The following AKT3 variants were observed in gnomAD, a reference collection of about 807,000 sequenced individuals.
AKT3 encodes the protein RAC-gamma serine/threonine-protein kinase.
AKT3 carries 15 observed loss-of-function variants against 65.3 expected under a neutral mutation model. The observed-to-expected ratio is 0.23, with a 90% confidence interval of 0.15 to 0.35. The LOEUF (loss-of-function observed/expected upper bound fraction) is 0.35, where lower values mean the gene tolerates loss of function less well. AKT3 is among the 10% of genes least tolerant of loss of function. The pLI, the probability that AKT3 is intolerant of heterozygous loss-of-function variation, is 1.00. For synonymous variants in AKT3, 206 were observed against 183.8 expected, an observed-to-expected ratio of 1.12 and a Z score of -0.98; for missense variants, 243 against 576.5, an observed-to-expected ratio of 0.42 and a Z score of 5.92.
At chr1:243,581,095 G>A (rs1244850312) in intron 8 of AKT3, among the ~76,000 whole-genome samples, 2 of 152,194 alleles carry the variant, frequency 1.3e-5, no homozygotes, top group Admixed American at 1.3e-4. Context: ...ACTTGGGGCT[G>A]AGGAGGTTTC....
chr1:243,713,429 A>C (rs1383522906), intron 2 of AKT3, among the ~76,000 whole-genome samples: 1 of 152,216 alleles, frequency 6.6e-6, no homozygotes, highest in Non-Finnish European at 1.5e-5. Context: ...TTGGTTAACC[A>C]AATCCACACA....
chr1:243,728,939 A>G (rs1427522359), intron 2 of AKT3, among the ~76,000 whole-genome samples: 3 of 152,206 alleles, frequency 2.0e-5, no homozygotes. Context: ...TCAAGAACTG[A>G]TACAAGATCA....
chr1:243,616,880 T>C (rs114061320), intron 6 of AKT3, among the ~76,000 whole-genome samples: 2,509 of 152,282 alleles, frequency 0.016, 61 homozygotes, highest in African/African-American at 0.058. Context: ...ATTTGTTTTA[T>C]AGGAGTCAGT....
chr1:243,632,741 T>A (rs1679698095), intron 6 of AKT3, among the ~76,000 whole-genome samples: 1 of 152,236 alleles, frequency 6.6e-6, no homozygotes, highest in African/African-American at 2.4e-5. Context: ...GATATCTGGA[T>A]AACTTGCTGC....
chr1:243,602,547 T>G (rs1329741152), intron 8 of AKT3, among the ~76,000 whole-genome samples: 1 of 152,154 alleles, frequency 6.6e-6, no homozygotes, highest in Admixed American at 6.5e-5. Flanking sequence ...AGAACTAGAA[T>G]ACTGACTACT....
chr1:243,667,523 CAT>C (rs1313376966), intron 3 of AKT3, among the ~76,000 whole-genome samples: 2 of 152,140 alleles, frequency 1.3e-5, no homozygotes, highest in Non-Finnish European at 2.9e-5. Flanking sequence ...ACTTTAAAAA[CAT>C]AACCAGCTTC....
Position 243,695,694 on chromosome 1 carries a change from C to T in AKT3, c.69G>A (p.Arg23=), listed in dbSNP as rs762886772. The part of the protein sequence containing the change: ...QKRGEYIKNW[R]PRYFLLKTDG... ...CTGTCTTCAAAAGGAAGTATCTTGG[C>T]CTCCAGTTTTTTATATATTCTCCTA... Residue 23 remains arginine (R), a synonymous_variant, in exon 3 of 14, where the codon AGG becomes AGA. Transcript: ENST00000673466. The T allele has an allele frequency of 6.2e-7, 1 of 1,601,466 alleles. No homozygotes were observed. Among genetic ancestry groups the T allele is most frequent in the Non-Finnish European group, 8.5e-7 (1 of 1,174,410 alleles).
chr1:243,727,750 T>C (rs1049848290), intron 2 of AKT3, among the ~76,000 whole-genome samples: 3 of 152,076 alleles, frequency 2.0e-5, no homozygotes, highest in Admixed American at 6.6e-5. Flanking sequence ...TCCATCCTTA[T>C]AGTTCAAAGT....
downstream of AKT3, among the ~76,000 whole-genome samples, chr1:243,496,839 A>G (rs763128029): frequency 9.9e-5 from 15 of 152,224 alleles, no homozygotes; most frequent in Admixed American, 6.5e-4. Context: ...GATGACTCCG[A>G]TAGGATTTAA....
chr1:243,500,592 G>A lies in AKT3; in HGVS notation c.*4657C>T, dbSNP rs903578164. 1.3e-5 allele frequency: 3 copies of A among 228,844 alleles called. No individual in the cohort carries two copies. Among genetic ancestry groups the A allele is most frequent in the African/African-American group, 4.4e-5 (2 of 45,082 alleles). 14.2% of individuals were successfully genotyped at this position (228,844 alleles called of 1,614,324 possible). A position where few individuals can be genotyped will look rare whatever the true frequency, so the allele number is the denominator to read the frequency against. Reference sequence around the variant, plus strand: ...AATAAAAACGGACACTGGACATACCGTGTTGTATCTGAGAATGACAAACAC... The same window carrying A: ...AATAAAAACGGACACTGGACATACCATGTTGTATCTGAGAATGACAAACAC... On this transcript the variant is annotated 3_prime_UTR_variant, in exon 14 of 14. Coordinates refer to ENST00000673466, the MANE Select transcript of AKT3 (RefSeq NM_005465.7).
At chr1:243,533,826 T>TA (rs1464159326) in intron 12 of AKT3, among the ~76,000 whole-genome samples, 1 of 151,638 alleles carries the variant, frequency 6.6e-6, no homozygotes, top group African/African-American at 2.4e-5. Flanking sequence ...CCATCTCTAC[T>TA]AAAAATACAA....
At chr1:243,659,359 T>C (rs1041519585) in intron 4 of AKT3, among the ~76,000 whole-genome samples, 15 of 152,168 alleles carry the variant, frequency 9.9e-5, no homozygotes, top group African/African-American at 3.1e-4. Context: ...AATATGCACA[T>C]AGTTAACAAT....
chr1:243,562,476 G>A (rs1259877426), intron 10 of AKT3, among the ~76,000 whole-genome samples: 1 of 152,124 alleles, frequency 6.6e-6, no homozygotes, highest in African/African-American at 2.4e-5. Flanking sequence ...CATATGAATT[G>A]TACTCCAATT....
intron 11 of AKT3, among the ~76,000 whole-genome samples, chr1:243,549,414 C>A (rs1672889443): frequency 6.6e-6 from 1 of 152,090 alleles, no homozygotes; most frequent in South Asian, 2.1e-4. Flanking sequence ...CATCTATTAT[C>A]TGAACAATTC....
At chr1:243,698,361 A>G (rs956034458) in intron 2 of AKT3, among the ~76,000 whole-genome samples, 2 of 152,036 alleles carry the variant, frequency 1.3e-5, no homozygotes, top group African/African-American at 2.4e-5. Context: ...ACGGAATAAC[A>G]CCATTTCTTC....
intron 4 of AKT3, among the ~76,000 whole-genome samples, chr1:243,659,588 A>C (rs144533616): frequency 5.6e-4 from 85 of 152,290 alleles, no homozygotes; most frequent in African/African-American, 1.9e-3. Context: ...AAAAAGACTA[A>C]ATCCTAAAAG....
intron 8 of AKT3, among the ~76,000 whole-genome samples, chr1:243,586,509 G>T (rs1462351938): frequency 6.6e-6 from 1 of 152,078 alleles, no homozygotes; most frequent in Non-Finnish European, 1.5e-5. Flanking sequence ...AGAAAATGTG[G>T]TGTATATATA....
chr1:243,742,616 C>A (rs1438490554), intron 2 of AKT3, among the ~76,000 whole-genome samples: 2 of 152,190 alleles, frequency 1.3e-5, no homozygotes, highest in Non-Finnish European at 2.9e-5. Flanking sequence ...CAGAGCGAGA[C>A]TCCATCTCAA....
At chr1:243,753,612 C>A (rs1207935713) in intron 2 of AKT3, among the ~76,000 whole-genome samples, 2 of 152,126 alleles carry the variant, frequency 1.3e-5, no homozygotes, top group Non-Finnish European at 2.9e-5. Context: ...TAATACTGTT[C>A]TTTTGTACCT....
Sources: allele counts gnomAD v4.1 joint callset (sites outside exome capture counted in the v4.1 genomes callset), GRCh38; gene constraint gnomAD v4.1.1; transcripts MANE v1.5; gene names NCBI Gene and HGNC (gene_info 2026-07-23, HGNC 2026-07-21).